The following GPRC5C variants were observed in gnomAD, a reference collection of about 807,000 sequenced individuals.
GPRC5C encodes G protein-coupled receptor class C group 5 member C.
Under a neutral mutation model 31.4 loss-of-function variants are expected in GPRC5C, and 22 were observed. That is an observed-to-expected ratio of 0.70 (90% CI 0.50 to 1.00). The LOEUF (loss-of-function observed/expected upper bound fraction) is 1.00. Ranked by LOEUF, GPRC5C falls within the 50% of genes least tolerant of loss-of-function variation. The probability of loss-of-function intolerance (pLI) is 0.00; values close to 1 mark genes in which losing one functional copy is unlikely to be tolerated. For missense variants in GPRC5C, 557 were observed against 597.2 expected, an observed-to-expected ratio of 0.93 and a Z score of 0.70; for synonymous variants, 249 against 257.5, an observed-to-expected ratio of 0.97 and a Z score of 0.32.
chr17:74,441,072 C>G (rs1015413996), intron 2 of GPRC5C, among the ~76,000 whole-genome samples: 1 of 150,878 alleles, frequency 6.6e-6, no homozygotes, highest in Non-Finnish European at 1.5e-5. Flanking sequence ...ACGAGGAGTT[C>G]GAGACCAGCC....
At chr17:74,442,899 A>T (rs1415516888) in intron 2 of GPRC5C, among the ~76,000 whole-genome samples, 2 of 151,980 alleles carry the variant, frequency 1.3e-5, no homozygotes, top group African/African-American at 4.8e-5. Flanking sequence ...GAGGAGCCTC[A>T]GGCCCCGCCC....
chr17:74,443,331 G>A (rs748983676), intron 2 of GPRC5C: 20 of 264,906 alleles, frequency 7.5e-5, no homozygotes, highest in Admixed American at 1.7e-4. Context: ...GGGAAGGGGC[G>A]CCCAGGTCGG....
Position 74,447,318 on chromosome 17 carries a change from T to G in GPRC5C, c.*290T>G. The G allele has an allele frequency of 8.6e-7, 1 of 1,156,588 alleles. No homozygotes were observed. Among genetic ancestry groups the G allele is most frequent in the Non-Finnish European group, 1.1e-6 (1 of 936,564 alleles). The allele number at this position is 1,156,588 out of a possible 1,614,324, so 71.6% of individuals were successfully genotyped here. A position where few individuals can be genotyped will look rare whatever the true frequency, so the allele number is the denominator to read the frequency against. On this transcript the variant is annotated 3_prime_UTR_variant, in exon 4 of 4. Transcript: ENST00000392627. ...CGGGGTGGTGGCTGGGCAGCGCCTA[T>G]GTTTCTCTGGAGATTCCTGCAACCT...
intron 1 of GPRC5C, among the ~76,000 whole-genome samples, chr17:74,438,536 C>T (rs554968826): frequency 5.4e-4 from 82 of 151,522 alleles, no homozygotes; most frequent in Non-Finnish European, 1.0e-3. Context: ...GCTGGGATTA[C>T]AGGCGTGAGC....
chr17:74,451,144 C>G (rs886164089), downstream of GPRC5C: 1 of 152,216 alleles, frequency 6.6e-6, no homozygotes, highest in Non-Finnish European at 1.5e-5. Flanking sequence ...GTGGACCTCA[C>G]GCTGCCCTTG....
chr17:74,432,347 G>T, intron 1 of GPRC5C: 1 of 1,417,476 alleles, frequency 7.1e-7, no homozygotes, highest in South Asian at 1.5e-5. Flanking sequence ...GCCTGGCTCA[G>T]CCTCGGTCCC....
At position 74,446,737 on chromosome 17, in the gene GPRC5C, G is replaced by A. The variant is rs2055641554; in HGVS notation, c.1147-112G>A. 4 of 812,194 alleles carry A rather than the reference G, an allele frequency of 4.9e-6. No homozygotes were observed. The South Asian group carries it at 6.8e-5, about 14-fold the overall frequency. 50.3% of individuals were successfully genotyped at this position (812,194 alleles called of 1,614,324 possible). A position where few individuals can be genotyped will look rare whatever the true frequency, so the allele number is the denominator to read the frequency against. On this transcript the variant is annotated intron_variant, in intron 3 of 3. Coordinates refer to ENST00000392627, the MANE Select transcript of GPRC5C (RefSeq NM_022036.4). ...CAGAGGGGGCAGAGGAGCCGAGGGG[G>A]GAGTTGGGGGGGATCTGGCAGTCCC...
In GPRC5C at chr17:74,447,244, C is replaced by G; in HGVS notation, c.*216C>G. On this transcript the variant is annotated 3_prime_UTR_variant, in exon 4 of 4. Coordinates refer to ENST00000392627, the MANE Select transcript of GPRC5C (RefSeq NM_022036.4). ...GTGGAGTCGAGGAGCCAACCCCAGC[C>G]TCCTGCCAGGATCACCTCGGCGGTC... 2 of 1,308,460 alleles carry G rather than the reference C, an allele frequency of 1.5e-6. No homozygotes were observed. The highest frequency in any genetic ancestry group is 1.9e-6 in the Non-Finnish European group (2 of 1,027,734). The allele number at this position is 1,308,460 out of a possible 1,614,324, so 81.1% of individuals were successfully genotyped here. A position where few individuals can be genotyped will look rare whatever the true frequency, so the allele number is the denominator to read the frequency against.
intron 1 of GPRC5C, among the ~76,000 whole-genome samples, chr17:74,434,059 TGG>T (rs1173472372): frequency 5.3e-5 from 8 of 152,080 alleles, no homozygotes; most frequent in African/African-American, 1.9e-4. Flanking sequence ...GTTCAGCAAC[TGG>T]ACTGCACTGA....
chr17:74,450,435 T>TC (rs1216770066), downstream of GPRC5C: 1 of 152,274 alleles, frequency 6.6e-6, no homozygotes, highest in Non-Finnish European at 1.5e-5. Context: ...TCTAGGCCTC[T>TC]CTCGTGACTG....
At chr17:74,448,828 C>T (rs912669976), downstream of GPRC5C, 29 of 1,277,054 alleles carry the variant, frequency 2.3e-5, no homozygotes, top group Admixed American at 9.2e-5. Flanking sequence ...TACAGGTAAG[C>T]GAACTGACCC....
chr17:74,440,219 A>C lies in GPRC5C; in HGVS notation c.443A>C (p.Asn148Thr). The C allele has an allele frequency of 6.2e-7, 1 of 1,614,156 alleles. No homozygotes were observed. Among genetic ancestry groups the C allele is most frequent in the Non-Finnish European group, 8.5e-7 (1 of 1,180,012 alleles). The change falls in exon 2 of 4, where the codon AAC (asparagine) becomes ACC (threonine). Residue 148 changes from asparagine to threonine, a missense_variant. Transcript: ENST00000392627. The surrounding 1 kb of genome is among the most constrained non-coding windows in gnomAD (Gnocchi z 4.4). ...GCCCTCAACTTCCTGGCCCGGAAGAACCACGGGCCCCGGGGCTGGGTGATC... is the reference window on the plus strand; with the variant it reads ...GCCCTCAACTTCCTGGCCCGGAAGACCCACGGGCCCCGGGGCTGGGTGATC... ...VFALNFLARKNHGPRGWVIFT... is the reference protein window; with the variant it reads ...VFALNFLARKTHGPRGWVIFT...
At chr17:74,432,258 G>A in intron 1 of GPRC5C, 117 bp downstream of exon 1, 1 of 1,509,830 alleles carries the variant, frequency 6.6e-7, no homozygotes, top group Non-Finnish European at 8.9e-7. Context: ...TAACGGTGAT[G>A]CAGGCTCCAG....
intron 1 of GPRC5C, chr17:74,432,639 C>A: frequency 2.4e-6 from 1 of 424,456 alleles, no homozygotes; most frequent in Non-Finnish European, 3.1e-6. Context: ...GACGCCGCGC[C>A]AACTCCGCTC....
At chr17:74,443,567 C>T in intron 2 of GPRC5C, 1 of 644,040 alleles carries the variant, frequency 1.6e-6, no homozygotes, top group East Asian at 3.1e-5. Context: ...GGGGTGTCTA[C>T]AGTGCAGGGA....
chr17:74,444,451 G>C (rs369380841), intron 3 of GPRC5C, among the ~76,000 whole-genome samples: 2 of 152,206 alleles, frequency 1.3e-5, no homozygotes, highest in South Asian at 2.1e-4. Context: ...CCAGGGGAGG[G>C]GGAGGGAGCA....
In GPRC5C at chr17:74,439,793, C is replaced by T. The variant is rs1222477799; in HGVS notation, c.17C>T (p.Ala6Val). The T allele has an allele frequency of 6.2e-7, 1 of 1,613,256 alleles. No homozygotes were observed. The highest frequency in any genetic ancestry group is 8.5e-7 in the Non-Finnish European group (1 of 1,179,658). Residue 6 changes from alanine to valine, a missense_variant, in exon 2 of 4, where the codon GCC (alanine) becomes GTC (valine). Ala to Val is a moderately conservative substitution (Grantham distance 64, BLOSUM62 0). Coordinates refer to ENST00000392627, the MANE Select transcript of GPRC5C (RefSeq NM_022036.4). Reference protein sequence around the residue: MAIHKALVMCLGLPLF... With the variant: MAIHKVLVMCLGLPLF... Reference sequence around the variant, plus strand: ...GGAGCCAGGATGGCCATCCACAAAGCCTTGGTGATGTGCCTGGGACTGCCT... The same window carrying T: ...GGAGCCAGGATGGCCATCCACAAAGTCTTGGTGATGTGCCTGGGACTGCCT...
At chr17:74,443,436 G>C in intron 2 of GPRC5C, 1 of 377,330 alleles carries the variant, frequency 2.7e-6, no homozygotes, top group East Asian at 7.2e-5. Flanking sequence ...CAGAGCTGGA[G>C]GCTGGCCATC....
chr17:74,442,083 A>G (rs553322191), intron 2 of GPRC5C, among the ~76,000 whole-genome samples: 5 of 151,988 alleles, frequency 3.3e-5, no homozygotes, highest in African/African-American at 9.7e-5. Context: ...GCTCACTGCA[A>G]CCTCCGCCTC....
Sources: gnomAD v4.1 joint callset for allele counts (sites outside exome capture counted in the v4.1 genomes callset) on GRCh38, gnomAD v4.1.1 for gene constraint, Gnocchi (gnomAD v3.1) non-coding constraint, MANE v1.5 for transcripts, NCBI Gene and HGNC (gene_info 2026-07-23, HGNC 2026-07-21) for gene names.